Variants in BMAL2 observed in about 807,000 individuals in gnomAD.
BMAL2 encodes the protein basic helix-loop-helix ARNT like 2, also known as basic helix-loop-helix ARNT-like protein 2.
the BMAL2 span, among the ~76,000 whole-genome samples, chr12:27,364,116 C>A: frequency 0.55 from 84,342 of 151,970 alleles, 23,916 homozygotes; most frequent in East Asian, 0.75. Context: ...AAGGAATGGA[C>A]GGGACAAACT....
chr12:27,401,362 A>G, the BMAL2 span: 1 of 1,611,942 alleles, frequency 6.2e-7, no homozygotes, highest in Non-Finnish European at 8.5e-7. Flanking sequence ...AGCACAAAGC[A>G]GGTAGGTATG....
chr12:27,422,067 A>G, the BMAL2 span: 3 of 152,224 alleles, frequency 2.0e-5, no homozygotes, highest in Non-Finnish European at 2.9e-5. Flanking sequence ...TTTAACAGTA[A>G]TTAATCCAGA....
At chr12:27,382,463 T>C in the BMAL2 span, among the ~76,000 whole-genome samples, 6 of 152,140 alleles carry the variant, frequency 3.9e-5, no homozygotes, top group Admixed American at 1.3e-4. Flanking sequence ...ACAGCAGTGG[T>C]TCGAGTGAGA....
At chr12:27,387,182 G>A in the BMAL2 span, 22 of 1,322,620 alleles carry the variant, frequency 1.7e-5, no homozygotes, top group Admixed American at 3.4e-5. Context: ...GTGTGTATAA[G>A]AGACAGACAA....
the BMAL2 span, among the ~76,000 whole-genome samples, chr12:27,346,348 C>T: frequency 4.6e-4 from 70 of 152,314 alleles, 1 homozygote; most frequent in African/African-American, 1.4e-3. Context: ...GCACCCTCTG[C>T]CTCCCAGGTT....
chr12:27,409,321 A>C, the BMAL2 span, among the ~76,000 whole-genome samples: 116,785 of 152,042 alleles, frequency 0.77, 45,163 homozygotes, highest in Middle Eastern at 0.9. Context: ...AGCTGGAGGC[A>C]TCATGCTACC....
At chr12:27,356,452 A>G in the BMAL2 span, among the ~76,000 whole-genome samples, 1 of 152,082 alleles carries the variant, frequency 6.6e-6, no homozygotes, top group Non-Finnish European at 1.5e-5. Flanking sequence ...TTCAAGCTTG[A>G]TCTCACATCA....
chr12:27,410,595 T>C, the BMAL2 span, among the ~76,000 whole-genome samples: 1 of 151,720 alleles, frequency 6.6e-6, no homozygotes, highest in Non-Finnish European at 1.5e-5. Flanking sequence ...GGGCCTGTTG[T>C]GGGGTAGGGG....
At chr12:27,337,187 G>A in the BMAL2 span, among the ~76,000 whole-genome samples, 1 of 152,092 alleles carries the variant, frequency 6.6e-6, no homozygotes, top group Non-Finnish European at 1.5e-5. Context: ...TAAAGGAAAA[G>A]GAAATGTAAA....
At chr12:27,418,080 C>G in the BMAL2 span, 1 of 1,590,058 alleles carries the variant, frequency 6.3e-7, no homozygotes, top group East Asian at 2.2e-5. Context: ...CTCTGGCTGT[C>G]TTTTCAGATG....
At chr12:27,365,408 T>C in the BMAL2 span, among the ~76,000 whole-genome samples, 1 of 152,046 alleles carries the variant, frequency 6.6e-6, no homozygotes, top group South Asian at 2.1e-4. Flanking sequence ...TATTTTTGTT[T>C]GTGAATGAGA....
chr12:27,376,517 T>A, the BMAL2 span: 35 of 684,498 alleles, frequency 5.1e-5, no homozygotes, highest in African/African-American at 6.2e-4. Context: ...TGTTATGCTC[T>A]GAGAAGCAAT....
the BMAL2 span, among the ~76,000 whole-genome samples, chr12:27,385,235 A>G: frequency 6.6e-6 from 1 of 152,178 alleles, no homozygotes; most frequent in Non-Finnish European, 1.5e-5. Context: ...AATCACTTGA[A>G]CTCAGGAGGT....
the BMAL2 span, among the ~76,000 whole-genome samples, chr12:27,372,136 C>CAGGA: frequency 6.7e-6 from 1 of 149,126 alleles, no homozygotes; most frequent in Non-Finnish European, 1.5e-5. Flanking sequence ...GAGGCTGAGG[C>CAGGA]AGGAGAATTG....
At chr12:27,343,346 T>C in the BMAL2 span, among the ~76,000 whole-genome samples, 1 of 152,252 alleles carries the variant, frequency 6.6e-6, no homozygotes. Flanking sequence ...GATGTATTTA[T>C]GAACACTGAT....
At chr12:27,412,586 G>A in the BMAL2 span, among the ~76,000 whole-genome samples, 3 of 152,068 alleles carry the variant, frequency 2.0e-5, no homozygotes, top group Non-Finnish European at 4.4e-5. Context: ...GATTTCCAGA[G>A]TGAAGAAAGC....
the BMAL2 span, among the ~76,000 whole-genome samples, chr12:27,340,719 T>C: frequency 2.0e-5 from 3 of 152,226 alleles, no homozygotes; most frequent in East Asian, 3.8e-4. Context: ...ATTTTAACAA[T>C]ATTGATTCTT....
the BMAL2 span, among the ~76,000 whole-genome samples, chr12:27,386,109 AAATAG>A: frequency 6.6e-6 from 1 of 152,152 alleles, no homozygotes; most frequent in Non-Finnish European, 1.5e-5. Flanking sequence ...TAGTCAAATT[AAATAG>A]AAGGATTCTT....
the BMAL2 span, among the ~76,000 whole-genome samples, chr12:27,366,459 T>C: frequency 2.0e-5 from 3 of 152,342 alleles, no homozygotes; most frequent in African/African-American, 7.2e-5. Flanking sequence ...AATATTGTTA[T>C]ATATTTTCAA....
Sources: gnomAD v4.1 joint callset for allele counts (sites outside exome capture counted in the v4.1 genomes callset) on GRCh38, gnomAD v4.1.1 for gene constraint, MANE v1.5 for transcripts, NCBI Gene and HGNC (gene_info 2026-07-23, HGNC 2026-07-21) for gene names.